ASTN2: variants seen among roughly 807,000 people sequenced by gnomAD.
ASTN2 encodes the protein astrotactin 2, also known as astrotactin-2.
ASTN2 carries 54 observed loss-of-function variants against 139.8 expected under a neutral mutation model. The observed-to-expected ratio is 0.39, with a 90% CI of 0.31 to 0.48. The LOEUF (loss-of-function observed/expected upper bound fraction) is 0.48, where lower values mean the gene tolerates loss of function less well. Among genes scored for constraint, ASTN2 ranks in the 20% least tolerant of loss-of-function variants. ASTN2 has a pLI of 0.95. For missense variants in ASTN2, 1,565 were observed against 1,725.1 expected, an observed-to-expected ratio of 0.91 and a Z score of 1.64; for synonymous variants, 756 against 719.5, an observed-to-expected ratio of 1.05 and a Z score of -0.81.
At chr9:116,464,361 T>C (rs1222454020) in intron 20 of ASTN2, among the ~76,000 whole-genome samples, 1 of 152,166 alleles carries the variant, frequency 6.6e-6, no homozygotes, top group Non-Finnish European at 1.5e-5. Flanking sequence ...ATTTGTTTGC[T>C]ATTCACTAAT....
chr9:116,527,172 G>A (rs1851132846), intron 19 of ASTN2, among the ~76,000 whole-genome samples: 1 of 151,722 alleles, frequency 6.6e-6, no homozygotes, highest in South Asian at 2.1e-4. Context: ...TCACAACAAA[G>A]GCAAAAATAA....
chr9:116,441,828 C>T (rs1445662760), intron 21 of ASTN2, among the ~76,000 whole-genome samples: 1 of 152,160 alleles, frequency 6.6e-6, no homozygotes, highest in Admixed American at 6.5e-5. Flanking sequence ...TGCTGAAGAA[C>T]AAAGTATATG....
chr9:116,728,480 T>G (rs548529164), intron 15 of ASTN2, among the ~76,000 whole-genome samples: 27 of 152,254 alleles, frequency 1.8e-4, no homozygotes, highest in South Asian at 1.2e-3. Context: ...TGTTGCCATC[T>G]GTTGGAGCTT....
intron 1 of ASTN2, among the ~76,000 whole-genome samples, chr9:117,338,784 A>G (rs974042238): frequency 6.6e-6 from 1 of 152,046 alleles, no homozygotes; most frequent in African/African-American, 2.4e-5. Context: ...TAATAGCAAA[A>G]AAATGCAATA....
intron 7 of ASTN2, among the ~76,000 whole-genome samples, chr9:116,991,769 T>C (rs930029473): frequency 1.5e-4 from 23 of 152,146 alleles, no homozygotes; most frequent in African/African-American, 5.3e-4. Flanking sequence ...CTAGGCTCTT[T>C]CCATGTTGCC....
At chr9:116,434,697 G>A (rs568402080) in intron 22 of ASTN2, among the ~76,000 whole-genome samples, 145 of 152,238 alleles carry the variant, frequency 9.5e-4, no homozygotes, top group Non-Finnish European at 1.4e-3. Flanking sequence ...GTTCTGACCC[G>A]AGAAAATTCT....
At chr9:116,672,110 A>G (rs937586349) in intron 16 of ASTN2, among the ~76,000 whole-genome samples, 1 of 152,208 alleles carries the variant, frequency 6.6e-6, no homozygotes, top group Non-Finnish European at 1.5e-5. Context: ...ACAGTGACTC[A>G]TACCTGTAAT....
chr9:116,689,313 G>A (rs1860444673), intron 16 of ASTN2, among the ~76,000 whole-genome samples: 1 of 152,170 alleles, frequency 6.6e-6, no homozygotes. Flanking sequence ...GTAAAATGGG[G>A]TTATGATAAC....
chr9:116,718,824 C>T (rs1453807552), intron 16 of ASTN2, among the ~76,000 whole-genome samples: 1 of 151,856 alleles, frequency 6.6e-6, no homozygotes. Context: ...TTTGGATTCA[C>T]ACTGGAATTA....
intron 5 of ASTN2, among the ~76,000 whole-genome samples, chr9:117,072,016 G>C (rs1444540108): frequency 6.6e-6 from 1 of 152,032 alleles, no homozygotes. Context: ...GTTCCTATTC[G>C]GCCATCTTGG....
At chr9:117,309,416 T>C (rs1244837352) in intron 1 of ASTN2, among the ~76,000 whole-genome samples, 1 of 152,234 alleles carries the variant, frequency 6.6e-6, no homozygotes, top group Admixed American at 6.5e-5. Flanking sequence ...GAACTAGGAC[T>C]AGAATCTAGC....
chr9:117,071,501 G>GAGGC (rs1249067234), intron 5 of ASTN2, among the ~76,000 whole-genome samples: 1,617 of 149,960 alleles, frequency 0.011, 27 homozygotes, highest in African/African-American at 0.038. Flanking sequence ...GGAGCCTACA[G>GAGGC]AGGCAGGCAG....
chr9:117,180,935 T>C, intron 3 of ASTN2: 1 of 1,596,534 alleles, frequency 6.3e-7, no homozygotes, highest in South Asian at 1.1e-5. Flanking sequence ...TTGGTGTGGA[T>C]GGACATGATA....
At chr9:117,159,230 G>A (rs923485737) in intron 3 of ASTN2, among the ~76,000 whole-genome samples, 7 of 151,886 alleles carry the variant, frequency 4.6e-5, no homozygotes, top group Non-Finnish European at 8.8e-5. Flanking sequence ...TTTTCATGGA[G>A]CATTTTTCTG....
chr9:117,330,717 A>C (rs145232596), intron 1 of ASTN2, among the ~76,000 whole-genome samples: 1,585 of 152,244 alleles, frequency 0.01, 27 homozygotes, highest in African/African-American at 0.035. Flanking sequence ...CCCTTTTAAC[A>C]ATAATAGGAA....
chr9:117,048,809 A>C (rs1053374811), intron 5 of ASTN2, among the ~76,000 whole-genome samples: 3 of 152,180 alleles, frequency 2.0e-5, no homozygotes, highest in African/African-American at 7.2e-5. Flanking sequence ...TCATGTTCAA[A>C]CAACAGAAGA....
chr9:117,146,798 T>A (rs1267528287), intron 3 of ASTN2, among the ~76,000 whole-genome samples: 2 of 151,946 alleles, frequency 1.3e-5, no homozygotes, highest in Non-Finnish European at 1.5e-5. Context: ...AGAAAAAAAA[T>A]TAAAAGGATA....
rs33989865 is a variant in ASTN2 at position 116,656,682 on chromosome 9, C to CAA, written c.2807-4891_2807-4890dup. On this transcript the variant is annotated intron_variant, in intron 16 of 22. Transcript: ENST00000313400. ...CTGCTGGGTATTATTTTGTTGCCAC[C>CAA]AAAAAAAAAAAAAAAAAAAAAGCCT... Among the ~76,000 whole-genome samples, 459 of 109,864 alleles carry CAA rather than the reference C, an allele frequency of 4.2e-3. 4 individuals are homozygous for CAA. The highest frequency in any genetic ancestry group is 0.015 in the African/African-American group (432 of 28,802). The allele number at this position is 109,864 out of a possible 152,430, so 72.1% of individuals were successfully genotyped here.
intron 10 of ASTN2, among the ~76,000 whole-genome samples, chr9:116,954,680 A>G (rs1304404687): frequency 1.3e-5 from 2 of 152,042 alleles, no homozygotes; most frequent in African/African-American, 4.8e-5. Flanking sequence ...AAAACAGGTG[A>G]TGGGCCAAAT....
Sources: gnomAD v4.1 joint callset for allele counts (sites outside exome capture counted in the v4.1 genomes callset) on GRCh38, gnomAD v4.1.1 for gene constraint, MANE v1.5 for transcripts, NCBI Gene and HGNC (gene_info 2026-07-23, HGNC 2026-07-21) for gene names.